The following MECOM variants were observed in gnomAD, a reference collection of about 807,000 sequenced individuals.
MECOM encodes MDS1 and EVI1 complex locus.
In MECOM, 13 loss-of-function variants were observed where a neutral mutation model predicts 116.3. The observed-to-expected ratio is 0.11, with a 90% CI of 0.07 to 0.18. The LOEUF (loss-of-function observed/expected upper bound fraction) is 0.18. MECOM is among the 10% of genes least tolerant of loss of function. The pLI, the probability that MECOM is intolerant of heterozygous loss-of-function variation, is 1.00. For synonymous variants in MECOM, 528 were observed against 535.2 expected (o/e 0.99, Z 0.19); for missense variants, 1,299 against 1,509.0 (o/e 0.86, Z 2.31).
intron 1 of MECOM, among the ~76,000 whole-genome samples, chr3:169,491,312 A>G (rs1041792350): frequency 1.3e-5 from 2 of 152,174 alleles, no homozygotes; most frequent in African/African-American, 4.8e-5. Context: ...AAATGTCCTA[A>G]CCAAAAGGCC....
At chr3:169,465,972 G>T (rs77912220) in intron 1 of MECOM, among the ~76,000 whole-genome samples, 2,566 of 152,250 alleles carry the variant, frequency 0.017, 64 homozygotes, top group East Asian at 0.088. Flanking sequence ...GAACCATGAT[G>T]AAGTCATGGT....
At chr3:169,495,306 G>A (rs1163630505) in intron 1 of MECOM, among the ~76,000 whole-genome samples, 1 of 152,168 alleles carries the variant, frequency 6.6e-6, no homozygotes, top group Non-Finnish European at 1.5e-5. Context: ...TTGTATGTGG[G>A]GGAGGACAGG....
intron 2 of MECOM, among the ~76,000 whole-genome samples, chr3:169,377,003 G>A (rs1731156986): frequency 6.6e-6 from 1 of 152,072 alleles, no homozygotes; most frequent in Admixed American, 6.6e-5. Context: ...GAACAGAACA[G>A]ACACCTCAGA....
At chr3:169,576,370 A>G (rs568420029) in intron 1 of MECOM, among the ~76,000 whole-genome samples, 1 of 152,306 alleles carries the variant, frequency 6.6e-6, no homozygotes, top group African/African-American at 2.4e-5. Flanking sequence ...TGTGTATGTG[A>G]CAGAAGACGA....
At chr3:169,243,437 T>C (rs781378877) in intron 2 of MECOM, among the ~76,000 whole-genome samples, 1 of 152,146 alleles carries the variant, frequency 6.6e-6, no homozygotes, top group Non-Finnish European at 1.5e-5. Context: ...ATTATGTACA[T>C]AGACAACCCC....
At chr3:169,628,382 T>G (rs1771643754) in intron 1 of MECOM, among the ~76,000 whole-genome samples, 1 of 152,352 alleles carries the variant, frequency 6.6e-6, no homozygotes, top group East Asian at 1.9e-4. Context: ...CAAATTAATT[T>G]TTAGTGCACA....
chr3:169,595,393 C>T (rs1470046475), intron 1 of MECOM, among the ~76,000 whole-genome samples: 2 of 152,024 alleles, frequency 1.3e-5, no homozygotes, highest in East Asian at 1.9e-4. Context: ...ATTATGTGAT[C>T]GAGAAATGCC....
chr3:169,459,721 T>G (rs1489785938), intron 1 of MECOM, among the ~76,000 whole-genome samples: 3 of 152,080 alleles, frequency 2.0e-5, no homozygotes, highest in Admixed American at 6.6e-5. Flanking sequence ...TGCTTATCTT[T>G]CAACTTGATT....
chr3:169,346,190 AG>A (rs1490453389), intron 2 of MECOM, among the ~76,000 whole-genome samples: 12 of 152,220 alleles, frequency 7.9e-5, no homozygotes, highest in African/African-American at 2.4e-4. Context: ...GTCAGCACGA[AG>A]CTAGTAAAAT....
intron 2 of MECOM, among the ~76,000 whole-genome samples, chr3:169,225,300 T>C (rs1752605989): frequency 6.6e-6 from 1 of 152,180 alleles, no homozygotes; most frequent in African/African-American, 2.4e-5. Context: ...AGAACTAATG[T>C]TAGTTAAGTA....
intron 1 of MECOM, among the ~76,000 whole-genome samples, chr3:169,594,545 T>C (rs1431951332): frequency 6.6e-6 from 1 of 151,842 alleles, no homozygotes; most frequent in Admixed American, 6.6e-5. Context: ...CAGGCTACAG[T>C]TCGACAACCA....
chr3:169,197,229 G>T (rs1748537984), intron 2 of MECOM, among the ~76,000 whole-genome samples: 1 of 151,018 alleles, frequency 6.6e-6, no homozygotes, highest in African/African-American at 2.4e-5. Context: ...TCGTTACCTG[G>T]GTGACAAAAT....
chr3:169,630,694 T>C (rs1009433026), intron 1 of MECOM, among the ~76,000 whole-genome samples: 2 of 152,206 alleles, frequency 1.3e-5, no homozygotes, highest in African/African-American at 4.8e-5. Context: ...AATCCCTGGC[T>C]AGTGACATGG....
intron 6 of MECOM, 142 bp downstream of exon 6, chr3:169,122,438 A>G: frequency 2.3e-6 from 2 of 888,030 alleles, no homozygotes; most frequent in Non-Finnish European, 3.4e-6. Flanking sequence ...AATGCCTTTT[A>G]GCATACAACA....
chr3:169,521,639 A>G (rs971045353), intron 1 of MECOM, among the ~76,000 whole-genome samples: 4 of 152,190 alleles, frequency 2.6e-5, no homozygotes, highest in African/African-American at 9.7e-5. Context: ...TTAGAAATGT[A>G]TGTTCTTGGG....
At chr3:169,555,051 G>A (rs1282363140) in intron 1 of MECOM, among the ~76,000 whole-genome samples, 2 of 152,186 alleles carry the variant, frequency 1.3e-5, no homozygotes. Context: ...TACCAGAAGA[G>A]GTATGATGAT....
At chr3:169,437,408 C>G (rs571411820) in intron 1 of MECOM, among the ~76,000 whole-genome samples, 1 of 152,220 alleles carries the variant, frequency 6.6e-6, no homozygotes, top group East Asian at 1.9e-4. Flanking sequence ...CAAATATTAA[C>G]TTTTTTGCAA....
intron 2 of MECOM, among the ~76,000 whole-genome samples, chr3:169,369,363 T>TTTTC (rs1294758861): frequency 6.1e-5 from 9 of 148,746 alleles, no homozygotes; most frequent in African/African-American, 2.2e-4. Flanking sequence ...TTTTTTTTTT[T>TTTTC]TGAGACAGGG....
At chr3:169,626,819 T>C (rs994629864) in intron 1 of MECOM, among the ~76,000 whole-genome samples, 7 of 151,134 alleles carry the variant, frequency 4.6e-5, no homozygotes, top group Non-Finnish European at 8.8e-5. Flanking sequence ...AGGTTTCTTT[T>C]CTCTTTTTTT....
Sources: allele counts gnomAD v4.1 joint callset (sites outside exome capture counted in the v4.1 genomes callset), GRCh38; gene constraint gnomAD v4.1.1; transcripts MANE v1.5; gene names NCBI Gene and HGNC (gene_info 2026-07-23, HGNC 2026-07-21).